Variants in KDM6B observed in about 807,000 individuals in gnomAD.
KDM6B encodes lysine demethylase 6B.
A neutral mutation model predicts 150.4 loss-of-function variants in KDM6B; 22 were observed. The observed-to-expected ratio is 0.15, with a 90% CI of 0.10 to 0.21. The LOEUF (loss-of-function observed/expected upper bound fraction) is 0.21, where lower values mean the gene tolerates loss of function less well. Among genes scored for constraint, KDM6B ranks in the 10% least tolerant of loss-of-function variants. The pLI, the probability that KDM6B is intolerant of heterozygous loss-of-function variation, is 1.00. For synonymous variants in KDM6B, 1,148 were observed against 921.1 expected (o/e 1.25, Z -4.46); for missense variants, 1,984 against 2,234.3 (o/e 0.89, Z 2.26).
At position 7,849,113 on chromosome 17, in the gene KDM6B, C is replaced by G; in HGVS notation, c.2825C>G (p.Ala942Gly). The G allele has an allele frequency of 6.2e-7, 1 of 1,612,480 alleles. No individual in the cohort carries two copies. The highest frequency in any genetic ancestry group is 1.1e-5 in the South Asian group (1 of 91,048). ...GACCCAGCCGACCCAGTGGACACAG[C>G]AGAGCCAGCGGACAGTGGGACTGAG... Reference protein sequence around the residue: ...ATDPADPVDTAEPADSGTERL... With the variant: ...ATDPADPVDTGEPADSGTERL... Residue 942 changes from alanine to glycine, a missense_variant, in exon 12 of 24, where the codon GCA becomes GGA. By Grantham distance (60) the Ala-to-Gly change is moderately conservative. This residue lies in a region of KDM6B where 1,379 missense variants were observed against 1,275.6 expected (regional missense o/e 1.08). Coordinates refer to ENST00000448097, the MANE Select transcript of KDM6B (RefSeq NM_001348716.2).
rs929173303 is a variant in KDM6B at position 7,847,401 on chromosome 17, T to C, written c.1206T>C (p.Ser402=). The change falls in exon 11 of 24, where the codon AGT becomes AGC. Residue 402 remains serine (S), a synonymous_variant. Transcript: ENST00000448097. ...CCGGCACCACCACCAGCAGCAGCAG[T>C]AGCAGCAGCAGCAACACTGGTCTCC... is the stretch of plus-strand genomic sequence containing the variant. ...GLPGTTTSSS[S]SSSSNTGLRG... 4.9e-5 allele frequency: 79 copies of C among 1,613,300 alleles called. No individual in the cohort carries two copies. The highest frequency in any genetic ancestry group is 6.5e-5 in the Non-Finnish European group (77 of 1,179,930).
intron 7 of KDM6B, 29 bp from the exon 8 acceptor site, chr17:7,846,371 G>GGGGGGGGGGGGGGGGGGGCCC: frequency 6.7e-7 from 1 of 1,488,924 alleles, no homozygotes. Flanking sequence ...CCTGACATCT[G>GGGGGGGGGGGGGGGGGGGCCC]CCCCTGCCCC....
In KDM6B at chr17:7,846,887, A is replaced by ACCACCC. The variant is rs1567791188; in HGVS notation, c.785_786insCCCACC (p.Pro263_Pro264dup). ...CACCACCACCACCACCACCACCACC[A>ACCACCC]CCACCACCACCCCTGCCTGGCCTGG... On this transcript the variant is annotated inframe_insertion, in exon 10 of 24. Transcript: ENST00000448097. 2 of 1,323,732 alleles carry ACCACCC rather than the reference A, an allele frequency of 1.5e-6. No individual in the cohort carries two copies. Among genetic ancestry groups the ACCACCC allele is most frequent in the Non-Finnish European group, 2.1e-6 (2 of 952,846 alleles). 82.0% of individuals were successfully genotyped at this position (1,323,732 alleles called of 1,614,324 possible). A position where few individuals can be genotyped will look rare whatever the true frequency, so the allele number is the denominator to read the frequency against.
In KDM6B at chr17:7,849,917, A is replaced by C; in HGVS notation, c.3537A>C (p.Glu1179Asp). Residue 1179 changes from glutamate to aspartate, a missense_variant, in exon 13 of 24, where the codon GAA becomes GAC. By Grantham distance (45) the Glu-to-Asp change is conservative. Around this residue, in one of 13 missense-constraint regions of KDM6B, gnomAD observed 1,379 missense variants for 1,275.6 expected, o/e 1.08. Coordinates refer to ENST00000448097, the MANE Select transcript of KDM6B (RefSeq NM_001348716.2). ...ACACTGAGGAGAAGCTGCCCCGGGA[A>C]AAACTCAACCCCCCTACACCCAGCA... ...KINTEEKLPR[E>D]KLNPPTPSIY... The C allele has an allele frequency of 6.2e-7, 1 of 1,613,572 alleles. No homozygotes were observed.
In KDM6B at chr17:7,843,135, G is replaced by T. The variant is rs1486180813; in HGVS notation, c.-268-1766G>T. Among the ~76,000 whole-genome samples the T allele has an allele frequency of 1.3e-5, 2 of 152,122 alleles. No individual in the cohort carries two copies. The highest frequency in any genetic ancestry group is 1.9e-4 in the East Asian group (1 of 5,186). ...GCAGAGGGGAAGTGTCATCATCGCC[G>T]AAGGGGAAGCTGCCTTTCCTGGTAA... On this transcript the variant is annotated intron_variant, in intron 2 of 23. Transcript: ENST00000448097. This position sits in a 1 kb window ranked among gnomAD's most constrained non-coding sequence, Gnocchi z 4.5.
rs1567795745 is a variant in KDM6B at position 7,848,424 on chromosome 17, GCAA to G, written c.2142_2144del (p.Gln714del). ...AATCCATTCGCAAGGAAGAGGAACA[GCAA>G]CAACACGAAGCAGGCGTGGCCCCCC... On this transcript the variant is annotated inframe_deletion, in exon 12 of 24. Transcript: ENST00000448097. 6.2e-7 allele frequency: 1 copy of G among 1,612,994 alleles called. No homozygotes were observed. Among genetic ancestry groups the G allele is most frequent in the Non-Finnish European group, 8.5e-7 (1 of 1,180,010 alleles).
At chr17:7,851,826 T>G (rs1330368809) in intron 18 of KDM6B, 30 bp downstream of exon 18, 2 of 1,558,816 alleles carry the variant, frequency 1.3e-6, no homozygotes, top group East Asian at 4.8e-5. Context: ...GCGCTGATGC[T>G]GGAAGCGCGA....
At chr17:7,849,994 AAGAC>A in intron 13 of KDM6B, 47 bp downstream of exon 13, 1 of 1,613,530 alleles carries the variant, frequency 6.2e-7, no homozygotes. Context: ...AGAGGGTTCT[AAGAC>A]AGTGTTGGGG....
Position 7,854,041 on chromosome 17 carries a change from T to A in KDM6B, c.*520T>A, listed in dbSNP as rs1017354392. ...GTCTCTTTATTCACTTGGTTATGATTTGTATTTTTTGTTCTTTTCTTGTTT... is the reference window on the plus strand; with the variant it reads ...GTCTCTTTATTCACTTGGTTATGATATGTATTTTTTGTTCTTTTCTTGTTT... On this transcript the variant is annotated 3_prime_UTR_variant, in exon 24 of 24. Coordinates refer to ENST00000448097, the MANE Select transcript of KDM6B (RefSeq NM_001348716.2). The A allele has an allele frequency of 2.0e-5, 3 of 152,750 alleles. No individual in the cohort carries two copies. The highest frequency in any genetic ancestry group is 1.3e-4 in the Admixed American group (2 of 15,288). 9.5% of individuals were successfully genotyped at this position (152,750 alleles called of 1,614,324 possible). A position where few individuals can be genotyped will look rare whatever the true frequency, so the allele number is the denominator to read the frequency against.
chr17:7,847,658 C>T lies in KDM6B; in HGVS notation c.1370C>T (p.Pro457Leu). Reference protein sequence around the residue: ...KPFLGAPAATPHLSLPPGPSS... With the variant: ...KPFLGAPAATLHLSLPPGPSS... Reference sequence around the variant, plus strand: ...TTCTTGGGGGCTCCCGCTGCCACTCCCCACCTATCCCTGCCACCTGGACCT... The same window carrying T: ...TTCTTGGGGGCTCCCGCTGCCACTCTCCACCTATCCCTGCCACCTGGACCT... The change falls in exon 12 of 24, where the codon CCC (proline) becomes CTC (leucine). Residue 457 changes from proline (P) to leucine (L), a missense_variant. Physicochemically the swap from Pro to Leu is moderately conservative, Grantham distance 98. Transcript: ENST00000448097. The T allele has an allele frequency of 6.2e-7, 1 of 1,609,402 alleles. No homozygotes were observed. The highest frequency in any genetic ancestry group is 8.5e-7 in the Non-Finnish European group (1 of 1,178,464).
Position 7,846,506 on chromosome 17 carries a change from T to C in KDM6B, c.549+14T>C. On this transcript the variant is annotated intron_variant, in intron 8 of 23. Coordinates refer to ENST00000448097, the MANE Select transcript of KDM6B (RefSeq NM_001348716.2). ...CTACACCTTGAGGTGAGGCTGGCAC[T>C]GGGTGGGTTAGGGAGGAGAGCCAGG... The C allele has an allele frequency of 6.2e-7, 1 of 1,614,010 alleles. No homozygotes were observed. Among genetic ancestry groups the C allele is most frequent in the Non-Finnish European group, 8.5e-7 (1 of 1,179,948 alleles).
chr17:7,846,549 C>T (rs1393999884), intron 8 of KDM6B, 30 bp from the exon 9 acceptor site: 1 of 1,614,062 alleles, frequency 6.2e-7, no homozygotes, highest in Admixed American at 1.7e-5. Context: ...TGCACCCGTG[C>T]CATTTTCTCT....
intron 1 of KDM6B, among the ~76,000 whole-genome samples, chr17:7,835,335 G>A (rs2078312706): frequency 6.6e-6 from 1 of 152,138 alleles, no homozygotes; most frequent in South Asian, 2.1e-4. Flanking sequence ...AGACAGCGGA[G>A]GGCCTGAAGA....
At chr17:7,852,870 T>C in intron 21 of KDM6B, 130 bp from the exon 22 acceptor site, 2 of 1,352,928 alleles carry the variant, frequency 1.5e-6, no homozygotes, top group Non-Finnish European at 2.1e-6. Context: ...ACAGAGGATG[T>C]GACCTAGACA....
intron 20 of KDM6B, 27 bp from the exon 21 acceptor site, chr17:7,852,468 C>T: frequency 6.2e-7 from 1 of 1,604,742 alleles, no homozygotes; most frequent in South Asian, 1.1e-5. Flanking sequence ...GTTTGAGAGT[C>T]CTGTTGTGAT....
At chr17:7,853,418 C>T (rs936866460) in intron 23 of KDM6B, 38 bp downstream of exon 23, 9 of 1,532,414 alleles carry the variant, frequency 5.9e-6, no homozygotes, top group Non-Finnish European at 7.9e-6. Context: ...CGGAGGAGGG[C>T]ACTGGGGCAG....
At position 7,847,378 on chromosome 17, in the gene KDM6B, G is replaced by T. The variant is rs760089527; in HGVS notation, c.1183G>T (p.Gly395Cys). 1.9e-6 allele frequency: 3 copies of T among 1,612,866 alleles called. No individual in the cohort carries two copies. The highest frequency in any genetic ancestry group is 2.5e-6 in the Non-Finnish European group (3 of 1,179,904). ...YAPSRPPGLP[G>C]TTTSSSSSSS... is the part of the protein sequence containing the mutation. ...CCCTTCCCGGCCCCCTGGCCTCCCC[G>T]GCACCACCACCAGCAGCAGCAGTAG... is the stretch of plus-strand genomic sequence containing the variant. Residue 395 changes from glycine (G) to cysteine (C), a missense_variant, in exon 11 of 24, where the codon GGC becomes TGC. Around this residue, in one of 13 missense-constraint regions of KDM6B, gnomAD observed 1,379 missense variants for 1,275.6 expected, o/e 1.08. Transcript: ENST00000448097.
rs1405356349 is a variant in KDM6B at position 7,849,105 on chromosome 17, G to A, written c.2817G>A (p.Val939=). 6.2e-7 allele frequency: 1 copy of A among 1,612,418 alleles called. No individual in the cohort carries two copies. The highest frequency in any genetic ancestry group is 1.3e-5 in the African/African-American group (1 of 74,930). ...GRSATDPADP[V]DTAEPADSGT... is the part of the protein sequence containing the mutation. The stretch of plus-strand genomic sequence containing the variant: ...GTGCCACTGACCCAGCCGACCCAGT[G>A]GACACAGCAGAGCCAGCGGACAGTG... The change falls in exon 12 of 24, where the codon GTG becomes GTA. Residue 939 remains valine, a synonymous_variant. Transcript: ENST00000448097.
Position 7,846,275 on chromosome 17 carries a change from C to T in KDM6B, c.434C>T (p.Pro145Leu). The T allele has an allele frequency of 6.2e-7, 1 of 1,613,434 alleles. No homozygotes were observed. The highest frequency in any genetic ancestry group is 8.5e-7 in the Non-Finnish European group (1 of 1,179,770). Residue 145 changes from proline (P) to leucine (L), a missense_variant, in exon 7 of 24, where the codon CCC (proline) becomes CTC (leucine). Physicochemically the swap from Pro to Leu is moderately conservative, Grantham distance 98. Coordinates refer to ENST00000448097, the MANE Select transcript of KDM6B (RefSeq NM_001348716.2). ...RYGGSFAELG[P>L]RIGRLQQAQL... is the part of the protein sequence containing the mutation. Reference sequence around the variant, plus strand: ...GGAGGAAGCTTCGCTGAGCTGGGGCCCCGCATTGGCCGACTGCAGCAGGTA... The same window carrying T: ...GGAGGAAGCTTCGCTGAGCTGGGGCTCCGCATTGGCCGACTGCAGCAGGTA...
Sources: allele counts gnomAD v4.1 joint callset (sites outside exome capture counted in the v4.1 genomes callset), GRCh38; gene constraint gnomAD v4.1.1; regional missense constraint gnomAD v4.1.1; non-coding constraint Gnocchi (gnomAD v3.1); transcripts MANE v1.5; gene names NCBI Gene and HGNC (gene_info 2026-07-23, HGNC 2026-07-21).